Variants in MGAT4C observed in about 807,000 individuals in gnomAD.
MGAT4C encodes the protein alpha-1,3-mannosyl-glycoprotein 4-beta-N-acetylglucosaminyltransferase C.
Under a neutral mutation model 40.1 loss-of-function variants are expected in MGAT4C, and 19 were observed. That is an observed-to-expected ratio of 0.47 (90% CI 0.33 to 0.70). The LOEUF is 0.70. Ranked by LOEUF, MGAT4C falls within the 30% of genes least tolerant of loss-of-function variation. The pLI is 0.02. For missense variants in MGAT4C, 491 were observed against 563.2 expected, an observed-to-expected ratio of 0.87 and a Z score of 1.30; for synonymous variants, 181 against 187.1, an observed-to-expected ratio of 0.97 and a Z score of 0.27.
chr12:86,554,083 A>G (rs1220341129), intron 2 of MGAT4C, among the ~76,000 whole-genome samples: 1 of 151,816 alleles, frequency 6.6e-6, no homozygotes, highest in East Asian at 1.9e-4. Flanking sequence ...CAATATGCCC[A>G]AAGTTCTCCT....
At chr12:86,655,562 G>GA in intron 2 of MGAT4C, among the ~76,000 whole-genome samples, 1 of 151,890 alleles carries the variant, frequency 6.6e-6, no homozygotes, top group Non-Finnish European at 1.5e-5. Flanking sequence ...CATATTCAAT[G>GA]AAAAAAAATT....
At chr12:86,675,827 G>C (rs2136570671) in intron 2 of MGAT4C, among the ~76,000 whole-genome samples, 1 of 151,958 alleles carries the variant, frequency 6.6e-6, no homozygotes, top group Admixed American at 6.6e-5. Context: ...GTTCATACTG[G>C]GAAAATTTGA....
At chr12:86,391,758 G>T (rs1956164488) in intron 3 of MGAT4C, among the ~76,000 whole-genome samples, 1 of 152,076 alleles carries the variant, frequency 6.6e-6, no homozygotes, top group South Asian at 2.1e-4. Flanking sequence ...TACTCAGGAG[G>T]CTGAGGCAGG....
intron 2 of MGAT4C, among the ~76,000 whole-genome samples, chr12:86,508,695 T>C (rs1324937236): frequency 6.7e-6 from 1 of 148,720 alleles, no homozygotes; most frequent in Non-Finnish European, 1.5e-5. Context: ...AGTGTTCCTA[T>C]TTCTCCACAT....
intron 2 of MGAT4C, among the ~76,000 whole-genome samples, chr12:86,658,397 T>G (rs1963899679): frequency 6.6e-6 from 1 of 152,074 alleles, no homozygotes; most frequent in South Asian, 2.1e-4. Context: ...GACAAGCATT[T>G]AAGGACATTC....
rs967080188 is a variant in MGAT4C at position 86,817,021 on chromosome 12, CT to C, written c.-262+21644del. Among the ~76,000 whole-genome samples the C allele has an allele frequency of 8.6e-5, 13 of 150,690 alleles. 1 individual carries two copies. The East Asian group carries it at 9.7e-4, about 11-fold the overall frequency. On this transcript the variant is annotated intron_variant, in intron 1 of 7. Coordinates refer to the MGAT4C transcript ENST00000548651. The stretch of plus-strand genomic sequence containing the variant: ...CTTTTACATTCTTATTCTTATGCCC[CT>C]TTTTTTCTTTCTTTCAGTATATTCA...
chr12:86,130,193 T>C lies in MGAT4C; in HGVS notation c.-56-80470A>G, dbSNP rs575556949. ...AAACAAATAATTTTCATCAAAAATA[T>C]AAACATTTAAATTTAGTCTTATAAA... On this transcript the variant is annotated intron_variant, in intron 1 of 4. Transcript: ENST00000611864. Among the ~76,000 whole-genome samples the C allele has an allele frequency of 2.2e-4, 34 of 152,318 alleles. No homozygotes were observed. The South Asian group carries it at 7.0e-3, about 32-fold the overall frequency.
rs145389308 is a variant in MGAT4C at position 86,416,089 on chromosome 12, T to C, written c.-120+19068A>G. Among the ~76,000 whole-genome samples, 186 of 152,132 alleles carry C rather than the reference T, an allele frequency of 1.2e-3. 4 individuals are homozygous for C. In the East Asian group the frequency reaches 0.032, roughly 26 times the overall value. On this transcript the variant is annotated intron_variant, in intron 3 of 7. Transcript: ENST00000548651. ...GATATATGTACACATTTGTATATAATAGACCAAAAATCTAATAGAGACAGA... is the reference window on the plus strand; with the variant it reads ...GATATATGTACACATTTGTATATAACAGACCAAAAATCTAATAGAGACAGA...
At chr12:86,304,369 A>G (rs146564242) in intron 4 of MGAT4C, among the ~76,000 whole-genome samples, 2 of 150,696 alleles carry the variant, frequency 1.3e-5, no homozygotes, top group African/African-American at 5.0e-5. Context: ...GAAGGAAACA[A>G]TCATTTACAT....
At chr12:86,055,332 A>G (rs925827388) in intron 1 of MGAT4C, among the ~76,000 whole-genome samples, 1 of 152,032 alleles carries the variant, frequency 6.6e-6, no homozygotes, top group African/African-American at 2.4e-5. Flanking sequence ...AGTTGAGGGA[A>G]TAAGATATAT....
intron 1 of MGAT4C, among the ~76,000 whole-genome samples, chr12:86,165,313 A>T (rs1886066807): frequency 1.3e-5 from 2 of 152,088 alleles, no homozygotes; most frequent in African/African-American, 4.8e-5. Context: ...TTAAAAATTA[A>T]ACATTCCACA....
chr12:86,597,279 G>C (rs1304051234), intron 2 of MGAT4C, among the ~76,000 whole-genome samples: 1 of 152,184 alleles, frequency 6.6e-6, no homozygotes, highest in Non-Finnish European at 1.5e-5. Context: ...AAAAGCTAGA[G>C]TGCTCTTCAC....
Position 86,763,427 on chromosome 12 carries a change from A to G in MGAT4C, c.-261-36186T>C, listed in dbSNP as rs1225165241. 2.0e-5 allele frequency among the ~76,000 whole-genome samples: 3 copies of G among 152,076 alleles called. No individual in the cohort carries two copies. The East Asian group carries it at 5.8e-4, about 29-fold the overall frequency. On this transcript the variant is annotated intron_variant, in intron 1 of 7. Transcript: ENST00000548651. ...ATGTATACTGTGGAATACAGTGCTC[A>G]TTTGATATCATATTAATGTGTTTCA...
chr12:86,640,246 C>A (rs975239706), intron 2 of MGAT4C, among the ~76,000 whole-genome samples: 2 of 151,708 alleles, frequency 1.3e-5, no homozygotes, highest in African/African-American at 4.8e-5. Context: ...TTTTGAATAA[C>A]CACTACTGTA....
At chr12:86,544,425 T>G (rs1255204075) in intron 2 of MGAT4C, among the ~76,000 whole-genome samples, 1 of 152,184 alleles carries the variant, frequency 6.6e-6, no homozygotes, top group African/African-American at 2.4e-5. Context: ...AGTTTATTTG[T>G]GTGTAACATT....
intron 1 of MGAT4C, among the ~76,000 whole-genome samples, chr12:86,225,820 C>T (rs992521147): frequency 2.0e-5 from 3 of 151,972 alleles, no homozygotes; most frequent in East Asian, 3.9e-4. Flanking sequence ...AAATATGACA[C>T]ACCCACAGCT....
chr12:86,336,043 C>T (rs138890760), intron 3 of MGAT4C, among the ~76,000 whole-genome samples: 1 of 152,268 alleles, frequency 6.6e-6, no homozygotes, highest in East Asian at 1.9e-4. Flanking sequence ...ACCCTTGCGT[C>T]AACCACTTTC....
intron 1 of MGAT4C, among the ~76,000 whole-genome samples, chr12:86,768,594 A>C (rs1415970077): frequency 1.3e-5 from 2 of 151,628 alleles, no homozygotes; most frequent in African/African-American, 4.8e-5. Flanking sequence ...AGCTGGAGGC[A>C]TCACGCTACC....
chr12:86,816,377 T>G (rs2136222165), intron 1 of MGAT4C, among the ~76,000 whole-genome samples: 1 of 152,012 alleles, frequency 6.6e-6, no homozygotes, highest in African/African-American at 2.4e-5. Context: ...AGCTATCCCT[T>G]AATTTCTGAG....
Sources: allele counts gnomAD v4.1 joint callset (sites outside exome capture counted in the v4.1 genomes callset), GRCh38; gene constraint gnomAD v4.1.1; transcripts MANE v1.5; gene names NCBI Gene and HGNC (gene_info 2026-07-23, HGNC 2026-07-21).